Variants in TOP6BL observed in about 807,000 individuals in gnomAD.
The protein encoded by TOP6BL is TOP6B like initiator of meiotic double strand breaks, also known as type 2 DNA topoisomerase 6 subunit B-like.
chr11:66,765,116 A>G, the TOP6BL span, among the ~76,000 whole-genome samples: 1 of 152,216 alleles, frequency 6.6e-6, no homozygotes, highest in South Asian at 2.1e-4. Flanking sequence ...AATATTTGTG[A>G]AAGTGCTTTG....
the TOP6BL span, among the ~76,000 whole-genome samples, chr11:66,836,410 A>G: frequency 6.6e-6 from 1 of 151,520 alleles, no homozygotes; most frequent in South Asian, 2.1e-4. Context: ...GGGGTTTCAC[A>G]ATGTTAGCCA....
the TOP6BL span, among the ~76,000 whole-genome samples, chr11:66,817,828 T>A: frequency 2.0e-5 from 3 of 152,172 alleles, no homozygotes; most frequent in Admixed American, 1.3e-4. Flanking sequence ...ATTACAGGCA[T>A]GAGCAATCGC....
At chr11:66,843,394 C>T in the TOP6BL span, 2 of 1,427,614 alleles carry the variant, frequency 1.4e-6, no homozygotes, top group Admixed American at 5.9e-5. Flanking sequence ...CGCGCCGCGG[C>T]CTGACGTCAC....
chr11:66,780,210 T>C, the TOP6BL span, among the ~76,000 whole-genome samples: 1 of 152,178 alleles, frequency 6.6e-6, no homozygotes, highest in Non-Finnish European at 1.5e-5. Context: ...GTTTTTTTGC[T>C]CAATTTTGAG....
At chr11:66,792,207 C>A in the TOP6BL span, among the ~76,000 whole-genome samples, 1 of 152,150 alleles carries the variant, frequency 6.6e-6, no homozygotes, top group Admixed American at 6.5e-5. Flanking sequence ...TCTGACCTGA[C>A]ATTAGTCACT....
At chr11:66,791,427 A>G in the TOP6BL span, among the ~76,000 whole-genome samples, 1 of 149,502 alleles carries the variant, frequency 6.7e-6, no homozygotes, top group Admixed American at 6.6e-5. Context: ...GGAGTTATAC[A>G]TATATACATA....
the TOP6BL span, among the ~76,000 whole-genome samples, chr11:66,824,885 T>C: frequency 6.6e-6 from 1 of 152,050 alleles, no homozygotes; most frequent in Admixed American, 6.5e-5. Context: ...TTTGCTATTG[T>C]GAATAGTGCC....
At chr11:66,806,322 C>A in the TOP6BL span, among the ~76,000 whole-genome samples, 2 of 152,272 alleles carry the variant, frequency 1.3e-5, no homozygotes, top group African/African-American at 2.4e-5. Flanking sequence ...AATTGGTTTT[C>A]TGTTCTTTTG....
the TOP6BL span, among the ~76,000 whole-genome samples, chr11:66,841,520 T>C: frequency 0.51 from 77,644 of 152,034 alleles, 22,236 homozygotes; most frequent in African/African-American, 0.79. Context: ...CTTTACTTGT[T>C]ATTGGGCTCT....
chr11:66,800,717 CT>C, the TOP6BL span: 1 of 1,570,730 alleles, frequency 6.4e-7, no homozygotes, highest in Non-Finnish European at 8.7e-7. Context: ...AGGTCTATGG[CT>C]TAAGATGATG....
chr11:66,829,353 A>ACCG, the TOP6BL span, among the ~76,000 whole-genome samples: 3 of 152,136 alleles, frequency 2.0e-5, no homozygotes, highest in African/African-American at 7.2e-5. Context: ...AGGTAGGTGG[A>ACCG]CCGCCTGAGG....
the TOP6BL span, among the ~76,000 whole-genome samples, chr11:66,764,733 T>C: frequency 1.3e-5 from 2 of 151,324 alleles, no homozygotes; most frequent in Non-Finnish European, 2.9e-5. Flanking sequence ...ATCCCAGCAC[T>C]GTGGGAGACT....
chr11:66,782,623 G>C, the TOP6BL span, among the ~76,000 whole-genome samples: 1 of 152,136 alleles, frequency 6.6e-6, no homozygotes. Context: ...GGAAATAACA[G>C]GACTAACCTG....
the TOP6BL span, chr11:66,744,796 G>A: frequency 7.8e-7 from 1 of 1,278,718 alleles, no homozygotes; most frequent in Non-Finnish European, 9.8e-7. Flanking sequence ...CACTGGCGGA[G>A]TTCCAAGCCC....
At chr11:66,787,979 A>G in the TOP6BL span, among the ~76,000 whole-genome samples, 1 of 152,226 alleles carries the variant, frequency 6.6e-6, no homozygotes, top group South Asian at 2.1e-4. Flanking sequence ...CCATAAAGTA[A>G]TTCTAAATGT....
chr11:66,783,142 G>A, the TOP6BL span, among the ~76,000 whole-genome samples: 2 of 152,080 alleles, frequency 1.3e-5, no homozygotes, highest in Non-Finnish European at 2.9e-5. Context: ...GACCAGCCTG[G>A]GCAACATAGT....
At chr11:66,761,544 A>G in the TOP6BL span, 10 of 1,029,074 alleles carry the variant, frequency 9.7e-6, no homozygotes, top group Non-Finnish European at 1.2e-5. Context: ...AAAGCCTGCC[A>G]TAAAACTATG....
chr11:66,823,837 G>T, the TOP6BL span, among the ~76,000 whole-genome samples: 1 of 152,038 alleles, frequency 6.6e-6, no homozygotes, highest in Admixed American at 6.5e-5. Context: ...AAGAAAAAAA[G>T]AACAGAGCTA....
the TOP6BL span, among the ~76,000 whole-genome samples, chr11:66,779,391 C>CA: frequency 3.5e-4 from 53 of 151,464 alleles, no homozygotes; most frequent in Middle Eastern, 3.4e-3. Flanking sequence ...TTTATGCAGC[C>CA]AAAAAAAACA....
Sources: allele counts gnomAD v4.1 joint callset (sites outside exome capture counted in the v4.1 genomes callset), GRCh38; gene constraint gnomAD v4.1.1; transcripts MANE v1.5; gene names NCBI Gene and HGNC (gene_info 2026-07-23, HGNC 2026-07-21).